Variants in GMDS observed in about 807,000 individuals in gnomAD.
GMDS encodes the protein GDP-mannose 4,6 dehydratase.
A neutral mutation model predicts 49.9 loss-of-function variants in GMDS; 20 were observed. That is an observed-to-expected ratio of 0.40 (90% CI 0.28 to 0.58). The LOEUF (loss-of-function observed/expected upper bound fraction) is 0.58. GMDS is among the 20% of genes least tolerant of loss of function. The probability of loss-of-function intolerance (pLI) is 0.42; values close to 1 mark genes in which losing one functional copy is unlikely to be tolerated. For missense variants in GMDS, 362 were observed against 481.4 expected, an observed-to-expected ratio of 0.75 and a Z score of 2.32; for synonymous variants, 177 against 178.6, an observed-to-expected ratio of 0.99 and a Z score of 0.07.
chr6:1,726,252 T>A (rs1012638812), intron 9 of GMDS, among the ~76,000 whole-genome samples, 164 bp downstream of exon 9: 7 of 152,226 alleles, frequency 4.6e-5, no homozygotes, highest in African/African-American at 1.7e-4. Flanking sequence ...AGAATGATAA[T>A]CTCAAATTGA....
chr6:1,917,342 T>C (rs1761457452), intron 7 of GMDS, among the ~76,000 whole-genome samples: 1 of 152,180 alleles, frequency 6.6e-6, no homozygotes, highest in Non-Finnish European at 1.5e-5. Flanking sequence ...ACCCACTGCC[T>C]GATACCAAGA....
At position 1,996,117 on chromosome 6, in the gene GMDS, C is replaced by T. The variant is rs1766262694; in HGVS notation, c.346-35151G>A. Among the ~76,000 whole-genome samples the T allele has an allele frequency of 5.3e-5, 8 of 151,090 alleles. No individual in the cohort carries two copies. In the South Asian group the frequency reaches 1.7e-3, roughly 32 times the overall value. ...TCCTTCTTCCTTCTCCTTCTCCTTCCTCCTCCTTCCTCCTTCCTCTTCTTC... is the reference window on the plus strand; with the variant it reads ...TCCTTCTTCCTTCTCCTTCTCCTTCTTCCTCCTTCCTCCTTCCTCTTCTTC... On this transcript the variant is annotated intron_variant, in intron 4 of 10. Coordinates refer to ENST00000380815, the MANE Select transcript of GMDS (RefSeq NM_001500.4).
chr6:2,209,606 TTCTCTCTC>T (rs143707347), intron 1 of GMDS, among the ~76,000 whole-genome samples: 3 of 121,012 alleles, frequency 2.5e-5, no homozygotes, highest in African/African-American at 6.3e-5. Flanking sequence ...CACACACACG[TTCTCTCTC>T]TCTCTCTCTC....
chr6:1,879,612 TAGAG>T (rs1175123398), intron 7 of GMDS, among the ~76,000 whole-genome samples: 4 of 152,060 alleles, frequency 2.6e-5, no homozygotes, highest in South Asian at 2.1e-4. Flanking sequence ...AATATTGAGA[TAGAG>T]AGAAGTGCCT....
At chr6:1,928,970 AAAAT>A (rs36003101) in intron 7 of GMDS, among the ~76,000 whole-genome samples, 4,975 of 148,094 alleles carry the variant, frequency 0.034, 179 homozygotes, top group East Asian at 0.18. Context: ...CTCTGTCTCA[AAAAT>A]AAATAAATAA....
chr6:1,710,321 C>T (rs1421147940), intron 9 of GMDS, among the ~76,000 whole-genome samples: 2 of 152,242 alleles, frequency 1.3e-5, no homozygotes, highest in Non-Finnish European at 2.9e-5. Context: ...AGCAGATCTA[C>T]TCATCAACTT....
At chr6:2,171,463 T>C (rs1205911284) in intron 1 of GMDS, among the ~76,000 whole-genome samples, 4 of 152,134 alleles carry the variant, frequency 2.6e-5, no homozygotes, top group Non-Finnish European at 5.9e-5. Context: ...AATAAATAAA[T>C]GGCAGATGTG....
intron 6 of GMDS, among the ~76,000 whole-genome samples, chr6:1,931,280 T>C (rs1762272588): frequency 6.6e-6 from 1 of 152,258 alleles, no homozygotes; most frequent in South Asian, 2.1e-4. Context: ...GTTTGGCTTC[T>C]GGAGAGCTGG....
intron 4 of GMDS, among the ~76,000 whole-genome samples, chr6:1,999,967 A>AT (rs1447342558): frequency 2.9e-3 from 72 of 24,806 alleles, no homozygotes; most frequent in Non-Finnish European, 3.7e-3. Flanking sequence ...TATTATATAT[A>AT]TATTATATAT....
At chr6:2,205,776 T>TG (rs1399363591) in intron 1 of GMDS, among the ~76,000 whole-genome samples, 16 of 152,010 alleles carry the variant, frequency 1.1e-4, no homozygotes, top group South Asian at 2.1e-4. Flanking sequence ...GGTGTGTGTG[T>TG]GGGGGGGGAG....
chr6:1,681,557 C>T (rs2569850), intron 9 of GMDS, among the ~76,000 whole-genome samples: 133,023 of 152,208 alleles, frequency 0.87, 58,398 homozygotes, highest in Middle Eastern at 0.95. Flanking sequence ...GAACAGTCTA[C>T]GACTGCCAGG....
At chr6:2,065,321 G>GA (rs1308781357) in intron 4 of GMDS, among the ~76,000 whole-genome samples, 4 of 152,104 alleles carry the variant, frequency 2.6e-5, no homozygotes, top group Non-Finnish European at 5.9e-5. Flanking sequence ...CAAAGACGGG[G>GA]AAAAAACACA....
chr6:2,022,886 G>A (rs1030004156), intron 4 of GMDS, among the ~76,000 whole-genome samples: 2 of 152,088 alleles, frequency 1.3e-5, no homozygotes, highest in Non-Finnish European at 2.9e-5. Flanking sequence ...TCTGTCTGAG[G>A]AATAATAAAA....
intron 1 of GMDS, among the ~76,000 whole-genome samples, chr6:2,213,096 C>T (rs545565551): frequency 5.1e-4 from 77 of 152,228 alleles, no homozygotes; most frequent in African/African-American, 1.8e-3. Flanking sequence ...ATAAAGGGGG[C>T]GTGGGCTCTC....
intron 4 of GMDS, among the ~76,000 whole-genome samples, chr6:2,064,829 T>C (rs958035386): frequency 5.9e-5 from 9 of 152,150 alleles, no homozygotes; most frequent in Admixed American, 2.6e-4. Flanking sequence ...CAGAGTGCTT[T>C]TGGGGAGGGA....
chr6:2,178,026 A>G (rs988321985), intron 1 of GMDS, among the ~76,000 whole-genome samples: 1 of 152,310 alleles, frequency 6.6e-6, no homozygotes, highest in South Asian at 2.1e-4. Context: ...TAAGCAAACT[A>G]AAGCAGAAAC....
At chr6:2,243,349 C>T (rs1003699929) in intron 1 of GMDS, among the ~76,000 whole-genome samples, 1 of 152,150 alleles carries the variant, frequency 6.6e-6, no homozygotes, top group South Asian at 2.1e-4. Flanking sequence ...AAATTAGGTT[C>T]CATTTCTAAT....
chr6:2,081,585 A>G (rs978710985), intron 4 of GMDS, among the ~76,000 whole-genome samples: 15 of 136,702 alleles, frequency 1.1e-4, no homozygotes, highest in South Asian at 6.3e-4. Context: ...TTTGAGGGGG[A>G]AAAAAAAAGC....
At position 2,191,844 on chromosome 6, in the gene GMDS, G is replaced by A. The variant is rs1051947753; in HGVS notation, c.102+53477C>T. On this transcript the variant is annotated intron_variant, in intron 1 of 10. Transcript: ENST00000380815. This position sits in a 1 kb window ranked among gnomAD's most constrained non-coding sequence, Gnocchi z 4.6. ...GGGTGGAAGGGGGTAGGTCCCTGGT[G>A]AGACCCCACCTTCAGGCCAGGGAGG... Among the ~76,000 whole-genome samples, 1 of 152,180 alleles carries A rather than the reference G, an allele frequency of 6.6e-6. No individual in the cohort carries two copies. The highest frequency in any genetic ancestry group is 1.5e-5 in the Non-Finnish European group (1 of 68,022).
Sources: gnomAD v4.1 joint callset for allele counts (sites outside exome capture counted in the v4.1 genomes callset) on GRCh38, gnomAD v4.1.1 for gene constraint, Gnocchi (gnomAD v3.1) non-coding constraint, MANE v1.5 for transcripts, NCBI Gene and HGNC (gene_info 2026-07-23, HGNC 2026-07-21) for gene names.